SLC20A1: variants seen among roughly 807,000 people sequenced by gnomAD.
SLC20A1 encodes the protein solute carrier family 20 member 1, also known as sodium-dependent phosphate transporter 1.
SLC20A1 carries 28 observed loss-of-function variants against 62.7 expected under a neutral mutation model. That is an observed-to-expected ratio of 0.45 (90% CI 0.33 to 0.61). The LOEUF is 0.61. Among genes scored for constraint, SLC20A1 ranks in the 20% least tolerant of loss-of-function variants. SLC20A1 has a pLI of 0.02. For missense variants in SLC20A1, 673 were observed against 838.6 expected (o/e 0.80, Z 2.44); for synonymous variants, 305 against 302.9 (o/e 1.01, Z -0.07).
rs761831005 is a variant in SLC20A1, at chr2:112,659,766, A to G, written c.1607+4A>G. ...CCCATGGTGGCAATGACGTAAGGTC[A>G]GTTGACATTGATCTTAGTGTTGCTA... On this transcript the variant is annotated splice_donor_region_variant and intron_variant, in intron 8 of 10. Transcript: ENST00000272542. The G allele has an allele frequency of 2.5e-6, 4 of 1,607,242 alleles. No individual in the cohort carries two copies. Among genetic ancestry groups the G allele is most frequent in the Non-Finnish European group, 3.4e-6 (4 of 1,175,564 alleles).
At position 112,657,104 on chromosome 2, in the gene SLC20A1, C is replaced by T; in HGVS notation, c.659-18C>T. 1 of 1,613,402 alleles carries T rather than the reference C, an allele frequency of 6.2e-7. No individual in the cohort carries two copies. Among genetic ancestry groups the T allele is most frequent in the Non-Finnish European group, 8.5e-7 (1 of 1,179,848 alleles). ...CTGTTGCCCTGGGGTTTTCAAGATG[C>T]ACCATTTTATCTCCTAGTGCTGGGC... On this transcript the variant is annotated intron_variant, in intron 5 of 10. Transcript: ENST00000272542.
chr2:112,661,071 C>T (rs1363968657), intron 9 of SLC20A1, 71 bp from the exon 10 acceptor site: 14 of 1,095,292 alleles, frequency 1.3e-5, no homozygotes, highest in Non-Finnish European at 2.0e-5. Flanking sequence ...ACTGTGTTAA[C>T]TTGAGGTGTA....
Position 112,663,500 on chromosome 2 carries a change from T to TAG in SLC20A1, c.*478_*479dup, listed in dbSNP as rs766566366. On this transcript the variant is annotated 3_prime_UTR_variant, in exon 11 of 11. Coordinates refer to ENST00000272542, the MANE Select transcript of SLC20A1 (RefSeq NM_005415.5). ...CTTCCCTTGTAGTCTCTTATATAAG[T>TAG]AGAGTCCTTGGTACTCTGCCCTCCT... The TAG allele has an allele frequency of 2.8e-5, 8 of 287,716 alleles. No individual in the cohort carries two copies. The East Asian group carries it at 3.0e-4, about 11-fold the overall frequency. 17.8% of individuals were successfully genotyped at this position (287,716 alleles called of 1,614,324 possible).
chr2:112,661,090 T>C (rs1455304981), intron 9 of SLC20A1, 52 bp from the exon 10 acceptor site: 2 of 1,368,518 alleles, frequency 1.5e-6, no homozygotes, highest in South Asian at 1.2e-5. Context: ...TAGTGTTAGC[T>C]TCTCAAAAAA....
At chr2:112,651,297 C>A (rs1220364656) in intron 4 of SLC20A1, among the ~76,000 whole-genome samples, 1 of 152,116 alleles carries the variant, frequency 6.6e-6, no homozygotes, top group Non-Finnish European at 1.5e-5. Flanking sequence ...GTTTTTCCTC[C>A]CCAAGATTTT....
Position 112,663,007 on chromosome 2 carries a change from T to C in SLC20A1, c.2022T>C (p.Tyr674=). The C allele has an allele frequency of 1.2e-6, 2 of 1,614,200 alleles. No individual in the cohort carries two copies. Among genetic ancestry groups the C allele is most frequent in the Non-Finnish European group, 1.7e-6 (2 of 1,180,004 alleles). ...ISAAIMAIFR[Y]VILRM ...CTGCCATCATGGCAATCTTCAGATA[T>C]GTCATCCTCAGAATGTGAAGCTGTT... The change falls in exon 11 of 11, where the codon TAT becomes TAC. Residue 674 remains tyrosine, a synonymous_variant. Coordinates refer to ENST00000272542, the MANE Select transcript of SLC20A1 (RefSeq NM_005415.5).
chr2:112,653,388 A>T (rs148038524), intron 5 of SLC20A1: 4 of 165,694 alleles, frequency 2.4e-5, no homozygotes, highest in African/African-American at 9.6e-5. Context: ...AAGGCAAGGC[A>T]TGGATTAAAT....
Position 112,650,018 on chromosome 2 carries a change from A to AT in SLC20A1, c.561+2289dup, listed in dbSNP as rs563316178. Reference sequence around the variant, plus strand: ...CTTCCTAGACTCTCTGGAACTTTTGATTTTTTTTTAACCATGAACCTGTAT... The same window carrying AT: ...CTTCCTAGACTCTCTGGAACTTTTGATTTTTTTTTTAACCATGAACCTGTAT... On this transcript the variant is annotated intron_variant, in intron 4 of 10. Coordinates refer to ENST00000272542, the MANE Select transcript of SLC20A1 (RefSeq NM_005415.5). 7.5e-3 allele frequency among the ~76,000 whole-genome samples: 1,136 copies of AT among 151,282 alleles called. 21 individuals are homozygous for AT. The highest frequency in any genetic ancestry group is 0.026 in the African/African-American group (1,083 of 41,222).
chr2:112,659,691 T>C lies in SLC20A1; in HGVS notation c.1536T>C (p.Ser512=), dbSNP rs755575986. Residue 512 remains serine, a synonymous_variant, in exon 8 of 11, where the codon TCT becomes TCC. Coordinates refer to ENST00000272542, the MANE Select transcript of SLC20A1 (RefSeq NM_005415.5). The part of the protein sequence containing the change: ...EWYDQDKPEV[S]LLFQFLQILT... ...ATGACCAGGATAAGCCTGAAGTCTC[T>C]CTCCTCTTCCAGTTCCTGCAGATCC... The C allele has an allele frequency of 5.0e-6, 8 of 1,614,208 alleles. No homozygotes were observed. Among genetic ancestry groups the C allele is most frequent in the Non-Finnish European group, 6.8e-6 (8 of 1,180,024 alleles).
intron 4 of SLC20A1, among the ~76,000 whole-genome samples, chr2:112,649,218 G>C (rs1451496704): frequency 6.6e-6 from 1 of 152,234 alleles, no homozygotes; most frequent in Non-Finnish European, 1.5e-5. Context: ...GCTGAAGTTA[G>C]ATACGGTAAC....
intron 6 of SLC20A1, 188 bp from the exon 7 acceptor site, chr2:112,658,634 TTGC>T: frequency 1.6e-6 from 1 of 640,624 alleles, no homozygotes; most frequent in South Asian, 2.3e-5. Context: ...GTGTTCTGCA[TTGC>T]TGGTTGTTCC....
chr2:112,650,684 C>T (rs1283965359), intron 4 of SLC20A1, among the ~76,000 whole-genome samples: 1 of 151,522 alleles, frequency 6.6e-6, no homozygotes, highest in African/African-American at 2.4e-5. Context: ...AGTACGGTGA[C>T]TTAATTGTAG....
chr2:112,657,908 G>A (rs1686637049), intron 6 of SLC20A1, among the ~76,000 whole-genome samples: 1 of 152,188 alleles, frequency 6.6e-6, no homozygotes, highest in African/African-American at 2.4e-5. Flanking sequence ...GTTAGTATCG[G>A]ACTTTTTTTT....
intron 6 of SLC20A1, 126 bp downstream of exon 6, chr2:112,657,367 A>G: frequency 1.0e-6 from 1 of 1,004,792 alleles, no homozygotes; most frequent in Admixed American, 2.7e-5. Flanking sequence ...AAATTTGAGG[A>G]TATGGGTTTG....
intron 10 of SLC20A1, 46 bp downstream of exon 10, chr2:112,661,272 T>A (rs767108173): frequency 6.9e-7 from 1 of 1,453,428 alleles, no homozygotes; most frequent in South Asian, 1.1e-5. Flanking sequence ...TCTTCTAATA[T>A]GTAGGGTTTT....
In SLC20A1 at chr2:112,647,407, T is replaced by C; in HGVS notation, c.418T>C (p.Phe140Leu). Residue 140 changes from phenylalanine to leucine, a missense_variant, in exon 3 of 11, where the codon TTC (phenylalanine) becomes CTC (leucine). Coordinates refer to ENST00000272542, the MANE Select transcript of SLC20A1 (RefSeq NM_005415.5). ...TTGTATTGTTGGTGCAACTATTGGT[T>C]TCTCCCTCGTGGCAAAGGGGCAGGA... ...THCIVGATIG[F>L]SLVAKGQEGV... 6.2e-7 allele frequency: 1 copy of C among 1,614,200 alleles called. No individual in the cohort carries two copies. Among genetic ancestry groups the C allele is most frequent in the Non-Finnish European group, 8.5e-7 (1 of 1,180,020 alleles).
chr2:112,657,014 G>C (rs1234183802), intron 5 of SLC20A1, 108 bp from the exon 6 acceptor site: 2 of 1,280,354 alleles, frequency 1.6e-6, no homozygotes, highest in Non-Finnish European at 2.3e-6. Flanking sequence ...AGCTGTCAGG[G>C]GTGATGGGCT....
intron 6 of SLC20A1, among the ~76,000 whole-genome samples, chr2:112,657,776 AAC>A (rs1558694005): frequency 6.6e-6 from 1 of 152,234 alleles, no homozygotes; most frequent in Non-Finnish European, 1.5e-5. Flanking sequence ...TACATATACA[AAC>A]ACACATTGTG....
chr2:112,647,527 G>A, intron 3 of SLC20A1, 63 bp downstream of exon 3: 2 of 1,589,140 alleles, frequency 1.3e-6, no homozygotes, highest in Non-Finnish European at 1.7e-6. Flanking sequence ...ATGGCATTAG[G>A]TATGGGAGGA....
Sources: allele counts gnomAD v4.1 joint callset (sites outside exome capture counted in the v4.1 genomes callset), GRCh38; gene constraint gnomAD v4.1.1; transcripts MANE v1.5; gene names NCBI Gene and HGNC (gene_info 2026-07-23, HGNC 2026-07-21).